The following COG5 variants were observed in gnomAD, a reference collection of about 807,000 sequenced individuals.
The protein encoded by COG5 is component of oligomeric golgi complex 5.
In COG5, 86 loss-of-function variants were observed where a neutral mutation model predicts 110.4. The observed-to-expected ratio is 0.78, with a 90% CI of 0.65 to 0.93. The LOEUF (loss-of-function observed/expected upper bound fraction) is 0.93. Among genes scored for constraint, COG5 ranks in the 40% least tolerant of loss-of-function variants. COG5 has a pLI of 0.00. For synonymous variants in COG5, 360 were observed against 334.6 expected (o/e 1.08, Z -0.83); for missense variants, 1,077 against 987.0 (o/e 1.09, Z -1.22).
rs545482612 is a variant in COG5, at chr7:107,228,057, T to C, written c.2168+2558A>G. Among the ~76,000 whole-genome samples the C allele has an allele frequency of 1.4e-4, 21 of 152,116 alleles. No homozygotes were observed. In the East Asian group the frequency reaches 3.9e-3, roughly 28 times the overall value. The stretch of plus-strand genomic sequence containing the variant: ...TGCCATACTTGTAATCCCAGCAGTC[T>C]GGGGGGCTGAGGCGGGCAGATAGCT... On this transcript the variant is annotated intron_variant, in intron 19 of 21. Transcript: ENST00000297135.
intron 6 of COG5, among the ~76,000 whole-genome samples, chr7:107,483,706 TAA>T (rs573563571): frequency 6.6e-4 from 85 of 128,116 alleles, no homozygotes; most frequent in Admixed American, 5.5e-4. Context: ...AAACTGCATC[TAA>T]AAAAAAAAAA....
intron 7 of COG5, among the ~76,000 whole-genome samples, chr7:107,398,551 C>T (rs1791180709): frequency 6.6e-6 from 1 of 152,204 alleles, no homozygotes; most frequent in South Asian, 2.1e-4. Context: ...GCGAACAGTT[C>T]ATCCCAAAAC....
At position 107,231,009 on chromosome 7, in the gene COG5, C is replaced by T. The variant is rs1003143776; in HGVS notation, c.2092-318G>A. ...AAAGGAAAATTTTCAAGACTGCATG[C>T]CTATACTTTAGGCATTACAAGTCTT... On this transcript the variant is annotated intron_variant, in intron 18 of 21. Coordinates refer to ENST00000297135, the MANE Select transcript of COG5 (RefSeq NM_006348.5). 3.3e-5 allele frequency among the ~76,000 whole-genome samples: 5 copies of T among 152,064 alleles called. No homozygotes were observed. The South Asian group carries it at 1.0e-3, about 32-fold the overall frequency.
chr7:107,500,720 G>A (rs908443768), intron 6 of COG5, among the ~76,000 whole-genome samples: 4 of 152,006 alleles, frequency 2.6e-5, no homozygotes, highest in African/African-American at 9.7e-5. Context: ...ATCTTCCTTT[G>A]GGATATGATA....
chr7:107,563,504 C>A, intron 1 of COG5: 7 of 443,428 alleles, frequency 1.6e-5, no homozygotes, highest in South Asian at 1.5e-4. Context: ...ACGCGGTCCA[C>A]AGGGTTTGGG....
chr7:107,562,198 G>T (rs1157159084), intron 1 of COG5, among the ~76,000 whole-genome samples: 1 of 152,154 alleles, frequency 6.6e-6, no homozygotes, highest in Non-Finnish European at 1.5e-5. Context: ...TTTGAAAAGG[G>T]TAAAGAAGAT....
intron 6 of COG5, among the ~76,000 whole-genome samples, chr7:107,491,681 T>C (rs1797980967): frequency 1.3e-5 from 2 of 151,940 alleles, no homozygotes; most frequent in South Asian, 4.1e-4. Context: ...GGGACCAGAG[T>C]AAAACAGCTC....
chr7:107,514,205 A>G (rs184168357), intron 6 of COG5, among the ~76,000 whole-genome samples: 279 of 152,194 alleles, frequency 1.8e-3, no homozygotes, highest in African/African-American at 6.0e-3. Context: ...TTGCTTGATT[A>G]TACTTTTAAA....
Position 107,211,199 on chromosome 7 carries a change from T to C in COG5, c.2195A>G (p.His732Arg). Reference sequence around the variant, plus strand: ...CCCCAATGCAGGACTACTGGCTACATGTTCACTTGCCTGGAAGAGCAGAGG... The same window carrying C: ...CCCCAATGCAGGACTACTGGCTACACGTTCACTTGCCTGGAAGAGCAGAGG... The part of the protein sequence containing the change: ...FRPLLFQASE[H>R]VASSPALGDV... The change falls in exon 20 of 22, where the codon CAT becomes CGT. Residue 732 changes from histidine to arginine, a missense_variant. Coordinates refer to ENST00000297135, the MANE Select transcript of COG5 (RefSeq NM_006348.5). 1.2e-6 allele frequency: 2 copies of C among 1,614,106 alleles called. No individual in the cohort carries two copies. Among genetic ancestry groups the C allele is most frequent in the Non-Finnish European group, 1.7e-6 (2 of 1,179,962 alleles).
intron 8 of COG5, among the ~76,000 whole-genome samples, chr7:107,372,307 C>A (rs1184066711): frequency 6.6e-6 from 1 of 152,082 alleles, no homozygotes; most frequent in African/African-American, 2.4e-5. Flanking sequence ...AAAATATGTT[C>A]CTTGCCTTTT....
At chr7:107,263,071 G>A (rs1302698851) in intron 14 of COG5, among the ~76,000 whole-genome samples, 4 of 152,164 alleles carry the variant, frequency 2.6e-5, no homozygotes, top group African/African-American at 9.7e-5. Flanking sequence ...TTAGCATTTA[G>A]GAATGAGAAC....
Position 107,283,717 on chromosome 7 carries a change from C to G in COG5, c.1329G>C (p.Leu443Phe). The G allele has an allele frequency of 6.2e-7, 1 of 1,613,940 alleles. No individual in the cohort carries two copies. Among genetic ancestry groups the G allele is most frequent in the Non-Finnish European group, 8.5e-7 (1 of 1,179,896 alleles). Residue 443 changes from leucine (L) to phenylalanine (F), a missense_variant, in exon 13 of 22, where the codon TTG (leucine) becomes TTC (phenylalanine). By Grantham distance (22) the Leu-to-Phe change is conservative (BLOSUM62 0). Coordinates refer to ENST00000297135, the MANE Select transcript of COG5 (RefSeq NM_006348.5). ...CCTCATAGGGTTGTAGTGAGTCTTT[C>G]AAAGCCTTTTCTGGACTGTGGAAAC... ...KKPDYDPEKALKDSLQPYEAA... is the reference protein window; with the variant it reads ...KKPDYDPEKAFKDSLQPYEAA...
intron 3 of COG5, among the ~76,000 whole-genome samples, chr7:107,549,423 G>A (rs866123014): frequency 3.3e-5 from 5 of 151,810 alleles, no homozygotes; most frequent in African/African-American, 7.3e-5. Flanking sequence ...ACAGAGTCTC[G>A]CTCTGTCGCC....
chr7:107,414,696 A>T, intron 6 of COG5, among the ~76,000 whole-genome samples: 1 of 83,448 alleles, frequency 1.2e-5, no homozygotes, highest in African/African-American at 3.6e-5. Flanking sequence ...CAAAATCCTC[A>T]CTGTCCCTTT....
intron 21 of COG5, chr7:107,209,845 A>G (rs1412152903): frequency 1.0e-6 from 1 of 985,648 alleles, no homozygotes; most frequent in Non-Finnish European, 1.2e-6. Context: ...GGTCAACTGT[A>G]GCTAAAGCTA....
At chr7:107,294,030 C>T (rs570397077) in intron 12 of COG5, among the ~76,000 whole-genome samples, 2 of 152,222 alleles carry the variant, frequency 1.3e-5, no homozygotes, top group South Asian at 4.1e-4. Context: ...AGATATCACA[C>T]CACTGCACTC....
intron 5 of COG5, among the ~76,000 whole-genome samples, chr7:107,541,553 CGTGT>C (rs908939495): frequency 8.6e-6 from 1 of 116,794 alleles, no homozygotes; most frequent in Non-Finnish European, 1.7e-5. Flanking sequence ...TGTATTTATG[CGTGT>C]GTGTATTTAT....
At chr7:107,551,895 C>T (rs922312668) in intron 3 of COG5, among the ~76,000 whole-genome samples, 5 of 152,150 alleles carry the variant, frequency 3.3e-5, no homozygotes, top group African/African-American at 1.2e-4. Context: ...GGATTATAGG[C>T]GTGAGCCACT....
At chr7:107,382,046 C>T (rs951196746) in intron 7 of COG5, among the ~76,000 whole-genome samples, 7 of 152,132 alleles carry the variant, frequency 4.6e-5, no homozygotes, top group Admixed American at 3.3e-4. Context: ...TTTACCAAGG[C>T]TTTGACTGGA....
Sources: gnomAD v4.1 joint callset for allele counts (sites outside exome capture counted in the v4.1 genomes callset) on GRCh38, gnomAD v4.1.1 for gene constraint, MANE v1.5 for transcripts, NCBI Gene and HGNC (gene_info 2026-07-23, HGNC 2026-07-21) for gene names.